FHIT: variants seen among roughly 807,000 people sequenced by gnomAD.
The protein encoded by FHIT is bis(5'-adenosyl)-triphosphatase.
Under a neutral mutation model 17.9 loss-of-function variants are expected in FHIT, and 19 were observed. That is an observed-to-expected ratio of 1.06 (90% CI 0.74 to 1.56). The LOEUF (loss-of-function observed/expected upper bound fraction) is 1.56. Ranked by LOEUF, FHIT falls within the 40% of genes most tolerant of loss-of-function variation. FHIT has a pLI of 0.00. For missense variants in FHIT, 248 were observed against 189.2 expected, an observed-to-expected ratio of 1.31 and a Z score of -1.82; for synonymous variants, 81 against 69.7, an observed-to-expected ratio of 1.16 and a Z score of -0.81.
At chr3:59,772,144 G>T (rs1702102046) in intron 8 of FHIT, among the ~76,000 whole-genome samples, 1 of 152,202 alleles carries the variant, frequency 6.6e-6, no homozygotes, top group South Asian at 2.1e-4. Flanking sequence ...GCTCTGCTGT[G>T]CTTCGTTGAT....
At chr3:60,839,991 G>A (rs1325645431) in intron 3 of FHIT, among the ~76,000 whole-genome samples, 5 of 152,024 alleles carry the variant, frequency 3.3e-5, no homozygotes, top group African/African-American at 7.2e-5. Flanking sequence ...GCCTCTCAGA[G>A]GGGACTTGAT....
chr3:59,780,545 A>C (rs1353375889), intron 8 of FHIT, among the ~76,000 whole-genome samples: 1 of 152,126 alleles, frequency 6.6e-6, no homozygotes, highest in African/African-American at 2.4e-5. Context: ...TGCCCCCACC[A>C]CTTCCCCAAA....
intron 7 of FHIT, among the ~76,000 whole-genome samples, chr3:59,966,018 C>T (rs976898955): frequency 1.3e-5 from 2 of 152,134 alleles, no homozygotes; most frequent in African/African-American, 4.8e-5. Flanking sequence ...AACTGATAAA[C>T]TGATTTGAAA....
intron 1 of FHIT, among the ~76,000 whole-genome samples, chr3:61,206,534 C>A (rs1379607758): frequency 2.0e-5 from 3 of 152,076 alleles, no homozygotes; most frequent in Non-Finnish European, 2.9e-5. Flanking sequence ...GGTCCTTCCC[C>A]TCCCTTGTAA....
chr3:60,785,896 GAC>G lies in FHIT; in HGVS notation c.-18+36021_-18+36022del, dbSNP rs71092634. ...GCTAACTCAAATGCAACAAACAGAA[GAC>G]ACACACACACACACACACACACACA... On this transcript the variant is annotated intron_variant, in intron 4 of 9. Coordinates refer to ENST00000492590, the MANE Select transcript of FHIT (RefSeq NM_002012.4). 9.4e-3 allele frequency among the ~76,000 whole-genome samples: 804 copies of G among 85,752 alleles called. 4 individuals are homozygous for G. The highest frequency in any genetic ancestry group is 0.015 in the South Asian group (46 of 2,992). 56.3% of individuals were successfully genotyped at this position (85,752 alleles called of 152,430 possible).
intron 2 of FHIT, among the ~76,000 whole-genome samples, chr3:61,106,653 TTTTGTTTG>T (rs553808185): frequency 1.1e-4 from 16 of 152,040 alleles, no homozygotes; most frequent in Admixed American, 1.0e-3. Context: ...CATCACATCT[TTTTGTTTG>T]TTTGTTTGTT....
At chr3:59,948,536 A>AAAT (rs1706950699) in intron 7 of FHIT, among the ~76,000 whole-genome samples, 1 of 151,442 alleles carries the variant, frequency 6.6e-6, no homozygotes, top group African/African-American at 2.4e-5. Context: ...AAAATAAAAA[A>AAAT]AAATAAATAA....
chr3:60,860,120 A>ATGATAGATCTGATATATGATATATAT (rs1559777931), intron 3 of FHIT, among the ~76,000 whole-genome samples: 1 of 102,032 alleles, frequency 9.8e-6, no homozygotes, highest in Non-Finnish European at 2.1e-5. Context: ...ATGATATATA[A>ATGATAGATCTGATATATGATATATAT]ATGATATATC....
intron 4 of FHIT, among the ~76,000 whole-genome samples, chr3:60,542,819 C>T (rs992715492): frequency 1.3e-5 from 2 of 152,062 alleles, no homozygotes; most frequent in East Asian, 1.9e-4. Context: ...CGAACAAATC[C>T]CTCTCTACCA....
chr3:60,152,804 T>G (rs554718674), intron 5 of FHIT, among the ~76,000 whole-genome samples: 1 of 152,268 alleles, frequency 6.6e-6, no homozygotes, highest in Admixed American at 6.5e-5. Context: ...TATAAGTTAT[T>G]ATAACTTTTT....
chr3:59,814,210 G>A (rs1365977538), intron 8 of FHIT, among the ~76,000 whole-genome samples: 1 of 152,180 alleles, frequency 6.6e-6, no homozygotes, highest in Admixed American at 6.5e-5. Context: ...AACTGAGATG[G>A]AACAACATCA....
chr3:59,987,763 A>AT (rs1709050322), intron 7 of FHIT, among the ~76,000 whole-genome samples: 3 of 152,122 alleles, frequency 2.0e-5, no homozygotes, highest in African/African-American at 7.2e-5. Context: ...AGAAATTCAC[A>AT]TTAGGCATTT....
At chr3:59,764,593 G>A (rs1315373888) in intron 8 of FHIT, among the ~76,000 whole-genome samples, 1 of 151,982 alleles carries the variant, frequency 6.6e-6, no homozygotes, top group South Asian at 2.1e-4. Flanking sequence ...AAACAAATTG[G>A]AGCCAACCTT....
intron 4 of FHIT, among the ~76,000 whole-genome samples, chr3:60,643,290 A>T (rs938831604): frequency 7.2e-5 from 11 of 152,012 alleles, no homozygotes; most frequent in Non-Finnish European, 1.2e-4. Context: ...ATGCTCATAG[A>T]TGGGTAGAAT....
intron 5 of FHIT, among the ~76,000 whole-genome samples, chr3:60,473,162 A>G (rs988485763): frequency 6.6e-6 from 1 of 152,232 alleles, no homozygotes; most frequent in Non-Finnish European, 1.5e-5. Context: ...TATGCACTTG[A>G]AAGTGGTACT....
At chr3:60,244,073 A>G (rs996020908) in intron 5 of FHIT, among the ~76,000 whole-genome samples, 1 of 152,120 alleles carries the variant, frequency 6.6e-6, no homozygotes, top group Non-Finnish European at 1.5e-5. Context: ...TAAAGATACC[A>G]GTTCCCATCA....
chr3:60,446,705 T>C (rs1050099873), intron 5 of FHIT, among the ~76,000 whole-genome samples: 1 of 151,890 alleles, frequency 6.6e-6, no homozygotes, highest in African/African-American at 2.4e-5. Flanking sequence ...CTTAAAATAT[T>C]AGCCAGGTAT....
At chr3:61,063,122 G>C (rs1240830671) in intron 2 of FHIT, among the ~76,000 whole-genome samples, 1 of 151,944 alleles carries the variant, frequency 6.6e-6, no homozygotes, top group Non-Finnish European at 1.5e-5. Context: ...AGCCGGGTGT[G>C]GTGGGTGCCT....
chr3:60,808,668 A>G (rs1553735150), intron 4 of FHIT, among the ~76,000 whole-genome samples: 1 of 152,234 alleles, frequency 6.6e-6, no homozygotes, highest in African/African-American at 2.4e-5. Context: ...AAGCAGAAAC[A>G]AAGAACCAAA....
Sources: allele counts gnomAD v4.1 joint callset (sites outside exome capture counted in the v4.1 genomes callset), GRCh38; gene constraint gnomAD v4.1.1; transcripts MANE v1.5; gene names NCBI Gene and HGNC (gene_info 2026-07-23, HGNC 2026-07-21).